Variants in DDX5 observed in about 807,000 individuals in gnomAD.
DDX5 encodes the protein DEAD-box helicase 5.
A neutral mutation model predicts 68.6 loss-of-function variants in DDX5; 6 were observed. The ratio of observed to expected loss-of-function variants is 0.09; its 90% CI spans 0.05 to 0.17. The LOEUF is 0.17. Ranked by LOEUF, DDX5 falls within the 10% of genes least tolerant of loss-of-function variation. DDX5 has a pLI of 1.00. For synonymous variants in DDX5, 350 were observed against 247.0 expected, an observed-to-expected ratio of 1.42 and a Z score of -3.91; for missense variants, 499 against 756.1, an observed-to-expected ratio of 0.66 and a Z score of 3.99.
At chr17:64,502,637 T>A in intron 8 of DDX5, 88 bp from the exon 9 acceptor site, 1 of 973,122 alleles carries the variant, frequency 1.0e-6, no homozygotes, top group South Asian at 1.5e-5. Context: ...AACATTAAGT[T>A]CAATTTACAT....
chr17:64,506,522 G>A (rs1309375764), upstream of DDX5: 24 of 701,994 alleles, frequency 3.4e-5, no homozygotes, highest in South Asian at 4.2e-5. Flanking sequence ...ACCTTCTTCT[G>A]GTCTTTCCAC....
At chr17:64,506,560 C>T, upstream of DDX5, 2 of 459,896 alleles carry the variant, frequency 4.3e-6, no homozygotes, top group South Asian at 2.6e-5. Flanking sequence ...CCGCCCTTTC[C>T]CAAGCCCAGC....
intron 1 of DDX5, chr17:64,505,828 C>T (rs1555672280): frequency 3.3e-6 from 5 of 1,536,168 alleles, no homozygotes; most frequent in East Asian, 2.4e-5. Flanking sequence ...TCAACAGCTA[C>T]CAAATGGCAG....
chr17:64,504,598 G>A (rs2144269128), intron 2 of DDX5, 79 bp downstream of exon 2: 2 of 1,481,194 alleles, frequency 1.4e-6, no homozygotes, highest in African/African-American at 1.4e-5. Flanking sequence ...TGAGTTATTT[G>A]CAAAACACCT....
upstream of DDX5, chr17:64,506,741 A>C (rs2038548896): frequency 2.3e-6 from 1 of 444,404 alleles, no homozygotes; most frequent in Non-Finnish European, 4.1e-6. Flanking sequence ...GGGATACAAA[A>C]CGAAATAGCT....
rs1555670728 is a variant in DDX5, at chr17:64,500,076, T to C, written c.1692A>G (p.Thr564=). The C allele has an allele frequency of 1.9e-6, 3 of 1,614,232 alleles. No individual in the cohort carries two copies. Among genetic ancestry groups the C allele is most frequent in the Admixed American group, 3.3e-5 (2 of 60,022 alleles). Reference sequence around the variant, plus strand: ...TATCATAACCATTCTGGTAAGTCCCTGTTGGATTACCAGTCCTAAAACTGG... The same window carrying C: ...TATCATAACCATTCTGGTAAGTCCCCGTTGGATTACCAGTCCTAAAACTGG... ...IQTSFRTGNP[T]GTYQNGYDST... is the part of the protein sequence containing the mutation. The change falls in exon 13 of 13, where the codon ACA becomes ACG. Residue 564 remains threonine (T), a synonymous_variant. Coordinates refer to ENST00000225792, the MANE Select transcript of DDX5 (RefSeq NM_004396.5).
chr17:64,504,176 G>A (rs2038366649), intron 3 of DDX5, 46 bp downstream of exon 3: 1 of 1,612,182 alleles, frequency 6.2e-7, no homozygotes, highest in South Asian at 1.1e-5. Context: ...GAGGGGGTAG[G>A]TGGAAACAAA....
At position 64,504,662 on chromosome 17, in the gene DDX5, C is replaced by G. The variant is rs782064592; in HGVS notation, c.210+15G>C. The stretch of plus-strand genomic sequence containing the variant: ...ATCGAGTTACAGCCTGATGAAGCCA[C>G]ATGAATTTACTCACTGCTGTGCGCC... On this transcript the variant is annotated intron_variant, in intron 2 of 12. Coordinates refer to ENST00000225792, the MANE Select transcript of DDX5 (RefSeq NM_004396.5). 6.3e-7 allele frequency: 1 copy of G among 1,595,144 alleles called. No homozygotes were observed. Among genetic ancestry groups the G allele is most frequent in the East Asian group, 2.2e-5 (1 of 44,736 alleles).
rs565860207 is a variant in DDX5, at chr17:64,498,486, T to C, written c.*1437A>G. 1.3e-5 allele frequency among the ~76,000 whole-genome samples: 2 copies of C among 152,314 alleles called. No individual in the cohort carries two copies. Among genetic ancestry groups the C allele is most frequent in the South Asian group, 4.1e-4 (2 of 4,830 alleles). On this transcript the variant is annotated 3_prime_UTR_variant, in exon 13 of 13. Transcript: ENST00000225792. Reference sequence around the variant, plus strand: ...CTCCCCCGAAAGCTGCTTCTAAGTTTAAAACCATGAATTTGACTAACCATG... The same window carrying C: ...CTCCCCCGAAAGCTGCTTCTAAGTTCAAAACCATGAATTTGACTAACCATG...
At chr17:64,506,602 C>T (rs1298194580), upstream of DDX5, 5 of 370,692 alleles carry the variant, frequency 1.3e-5, no homozygotes, top group Non-Finnish European at 2.5e-5. Context: ...GAGATGTTTA[C>T]GTCTCCAAAG....
In DDX5 at chr17:64,503,174, C is replaced by A; in HGVS notation, c.810+14G>T. 6.2e-7 allele frequency: 1 copy of A among 1,613,586 alleles called. No homozygotes were observed. Among genetic ancestry groups the A allele is most frequent in the Non-Finnish European group, 8.5e-7 (1 of 1,179,730 alleles). ...CACAATTCAGTTTGATCACATATTT[C>A]AAAGGACACTTACTCTTATTTGATC... On this transcript the variant is annotated intron_variant, in intron 7 of 12. Coordinates refer to ENST00000225792, the MANE Select transcript of DDX5 (RefSeq NM_004396.5).
chr17:64,506,374 T>C, upstream of DDX5: 1 of 1,414,298 alleles, frequency 7.1e-7, no homozygotes, highest in Middle Eastern at 2.6e-4. Flanking sequence ...TATGACCTAA[T>C]CGCCCCGCCC....
upstream of DDX5, chr17:64,506,366 T>G: frequency 1.4e-6 from 2 of 1,423,252 alleles, no homozygotes; most frequent in South Asian, 2.9e-5. Flanking sequence ...AGCCGCTCTA[T>G]GACCTAATCG....
At chr17:64,506,026 C>T in intron 1 of DDX5, 50 bp downstream of exon 1, 2 of 1,518,090 alleles carry the variant, frequency 1.3e-6, no homozygotes, top group East Asian at 2.5e-5. Flanking sequence ...CCTGACCCGC[C>T]CTCCCATCCC....
chr17:64,504,903 A>G lies in DDX5; in HGVS notation c.45-61T>C. 7 of 1,515,752 alleles carry G rather than the reference A, an allele frequency of 4.6e-6. No homozygotes were observed. In the South Asian group the frequency reaches 7.7e-5, roughly 17 times the overall value. 93.9% of individuals were successfully genotyped at this position (1,515,752 alleles called of 1,614,324 possible). ...TGGCTATACCCAGGTTTCTGTATAG[A>G]TTTGTCATCCATTGGCACAAGCTAA... On this transcript the variant is annotated intron_variant, in intron 1 of 12. Transcript: ENST00000225792.
At chr17:64,506,821 C>T, upstream of DDX5, 1 of 583,476 alleles carries the variant, frequency 1.7e-6, no homozygotes, top group Non-Finnish European at 3.1e-6. Context: ...GTCCGACCCG[C>T]GTGTCTGATA....
At chr17:64,503,648 C>T (rs529471857) in intron 5 of DDX5, 77 bp from the exon 6 acceptor site, 11 of 1,580,430 alleles carry the variant, frequency 7.0e-6, no homozygotes, top group African/African-American at 2.7e-5. Flanking sequence ...CTAGCAGATC[C>T]TTTCTTCATG....
Position 64,503,966 on chromosome 17 carries a change from A to C in DDX5, c.441+17T>G. The C allele has an allele frequency of 6.2e-7, 1 of 1,614,124 alleles. No homozygotes were observed. The highest frequency in any genetic ancestry group is 8.5e-7 in the Non-Finnish European group (1 of 1,179,990). ...CTTGCATATATCAGATCAACTCAAGAGTTCTCCCAAACTTACAGACAATGT... is the reference window on the plus strand; with the variant it reads ...CTTGCATATATCAGATCAACTCAAGCGTTCTCCCAAACTTACAGACAATGT... On this transcript the variant is annotated intron_variant, in intron 4 of 12. Transcript: ENST00000225792.
intron 8 of DDX5, 122 bp downstream of exon 8, chr17:64,502,804 G>A: frequency 9.8e-7 from 1 of 1,016,734 alleles, no homozygotes; most frequent in Non-Finnish European, 1.4e-6. Context: ...TTCAGGATTA[G>A]TAGGCTAACT....
Sources: allele counts gnomAD v4.1 joint callset (sites outside exome capture counted in the v4.1 genomes callset), GRCh38; gene constraint gnomAD v4.1.1; transcripts MANE v1.5; gene names NCBI Gene and HGNC (gene_info 2026-07-23, HGNC 2026-07-21).